The following KLRF2 variants were observed in gnomAD, a reference collection of about 807,000 sequenced individuals.
KLRF2 encodes the protein killer cell lectin like receptor F2.
In KLRF2, 28 loss-of-function variants were observed where a neutral mutation model predicts 25.3. That is an observed-to-expected ratio of 1.11 (90% CI 0.82 to 1.52). KLRF2 has a LOEUF of 1.52. KLRF2 is among the 40% of genes most tolerant of loss of function. The pLI, the probability that KLRF2 is intolerant of heterozygous loss-of-function variation, is 0.00. For synonymous variants in KLRF2, 73 were observed against 85.0 expected (o/e 0.86, Z 0.78); for missense variants, 265 against 245.8 (o/e 1.08, Z -0.52).
At chr12:9,895,342 G>A (rs963598170) in intron 5 of KLRF2, among the ~76,000 whole-genome samples, 3 of 152,230 alleles carry the variant, frequency 2.0e-5, no homozygotes, top group Non-Finnish European at 4.4e-5. Flanking sequence ...AGATAAGGGA[G>A]AGATAATGGT....
intron 1 of KLRF2, 103 bp from the exon 2 acceptor site, chr12:9,884,831 T>A: frequency 2.5e-6 from 1 of 404,022 alleles, no homozygotes; most frequent in Non-Finnish European, 4.4e-6. Flanking sequence ...TAAATTCTAA[T>A]GACATATCTA....
At chr12:9,893,256 T>C (rs1862708017) in intron 4 of KLRF2, 88 bp downstream of exon 4, 2 of 1,262,500 alleles carry the variant, frequency 1.6e-6, no homozygotes, top group African/African-American at 1.5e-5. Context: ...AGGTTTATTG[T>C]CGTTGCTTCT....
intron 3 of KLRF2, among the ~76,000 whole-genome samples, chr12:9,889,300 T>A (rs1490434275): frequency 2.0e-5 from 3 of 152,232 alleles, no homozygotes; most frequent in Admixed American, 2.0e-4. Flanking sequence ...CTGTGTCAAC[T>A]TGGCTAGGCC....
rs2137007219 is a variant in KLRF2 at position 9,895,750 on chromosome 12, T to C, written c.541T>C (p.Tyr181His). 1 of 1,535,922 alleles carries C rather than the reference T, an allele frequency of 6.5e-7. No individual in the cohort carries two copies. The highest frequency in any genetic ancestry group is 2.4e-5 in the East Asian group (1 of 40,892). ...SCAVITGNWV[Y>H]SEDCSSTFKG... ...TGCCGTTATCACAGGAAACTGGGTG[T>C]ATTCTGAAGACTGTAGCTCCACATT... is the stretch of plus-strand genomic sequence containing the variant. Residue 181 changes from tyrosine to histidine, a missense_variant, in exon 6 of 6, where the codon TAT becomes CAT. Tyr to His is a moderately conservative substitution (Grantham distance 83). Coordinates refer to ENST00000535540, the MANE Select transcript of KLRF2 (RefSeq NM_001190765.1).
chr12:9,889,484 A>C (rs946378494), intron 3 of KLRF2, among the ~76,000 whole-genome samples: 2 of 152,146 alleles, frequency 1.3e-5, no homozygotes, highest in Non-Finnish European at 2.9e-5. Context: ...AGGTCCCCAA[A>C]GGAAGAGGAA....
chr12:9,884,871 A>G (rs1270271652), intron 1 of KLRF2, 63 bp from the exon 2 acceptor site: 4 of 528,020 alleles, frequency 7.6e-6, no homozygotes, highest in Non-Finnish European at 1.3e-5. Context: ...CTGTAATAAA[A>G]ATGAAACAGA....
rs143366625 is a variant in KLRF2 at position 9,882,525 on chromosome 12, C to A, written c.70+860C>A. 9.7e-3 allele frequency among the ~76,000 whole-genome samples: 1,470 copies of A among 152,236 alleles called. 18 individuals carry two copies. Among genetic ancestry groups the A allele is most frequent in the African/African-American group, 0.034 (1,392 of 41,516 alleles). On this transcript the variant is annotated intron_variant, in intron 1 of 5. Coordinates refer to ENST00000535540, the MANE Select transcript of KLRF2 (RefSeq NM_001190765.1). Reference sequence around the variant, plus strand: ...AGGCACGGTGGCTCATGCCTGTAATCCCAGCACTTTGGGATGCAGAGGTGG... The same window carrying A: ...AGGCACGGTGGCTCATGCCTGTAATACCAGCACTTTGGGATGCAGAGGTGG...
At chr12:9,885,187 A>G (rs1383090454) in intron 2 of KLRF2, among the ~76,000 whole-genome samples, 155 bp downstream of exon 2, 1 of 151,822 alleles carries the variant, frequency 6.6e-6, no homozygotes, top group East Asian at 1.9e-4. Flanking sequence ...AAATGCTCAA[A>G]TGCAAGCTTG....
rs79650080 is a variant in KLRF2, at chr12:9,892,965, T to C, written c.218-55T>C. 1.1e-3 allele frequency: 1,517 copies of C among 1,343,864 alleles called. 16 individuals carry two copies. In the African/African-American group the frequency reaches 0.02, roughly 18 times the overall value. 83.2% of individuals were successfully genotyped at this position (1,343,864 alleles called of 1,614,324 possible). A position where few individuals can be genotyped will look rare whatever the true frequency, so the allele number is the denominator to read the frequency against. ...AAGTAGTCACATTTGATAATATTTC[T>C]ATCTTCCCTGTTGGCTGTAAAGTTT... On this transcript the variant is annotated intron_variant, in intron 3 of 5. Transcript: ENST00000535540.
intron 5 of KLRF2, among the ~76,000 whole-genome samples, chr12:9,894,054 CTCTTTCTCTTTTT>C (rs1246449973): frequency 6.6e-6 from 1 of 151,390 alleles, no homozygotes; most frequent in Non-Finnish European, 1.5e-5. Flanking sequence ...TTCTTTCTTT[CTCTTTCTCTTTTT>C]TCTTTCTCTT....
At chr12:9,894,126 T>TTCTCTCTCTCTCTCTCTC (rs141327204) in intron 5 of KLRF2, among the ~76,000 whole-genome samples, 30 of 130,286 alleles carry the variant, frequency 2.3e-4, no homozygotes, top group African/African-American at 6.8e-4. Context: ...TTTCTTTTCT[T>TTCTCTCTCTCTCTCTCTC]TCTCTCTCTC....
intron 3 of KLRF2, among the ~76,000 whole-genome samples, 152 bp downstream of exon 3, chr12:9,888,932 C>T (rs1444252974): frequency 6.6e-6 from 1 of 152,112 alleles, no homozygotes; most frequent in Non-Finnish European, 1.5e-5. Flanking sequence ...TCCTCAGTGC[C>T]ATTGCTGTGT....
chr12:9,881,810 A>G, intron 1 of KLRF2, 145 bp downstream of exon 1: 3 of 673,118 alleles, frequency 4.5e-6, no homozygotes, highest in Non-Finnish European at 7.3e-6. Context: ...GATTATTTAG[A>G]TTCATGAAAG....
At chr12:9,883,544 C>T (rs1403205427) in intron 1 of KLRF2, among the ~76,000 whole-genome samples, 3 of 152,162 alleles carry the variant, frequency 2.0e-5, no homozygotes, top group Non-Finnish European at 4.4e-5. Flanking sequence ...GTCTCCCTCC[C>T]TGGCATGTAT....
chr12:9,887,712 A>C (rs1477810752), intron 2 of KLRF2, among the ~76,000 whole-genome samples: 1 of 151,184 alleles, frequency 6.6e-6, no homozygotes, highest in Non-Finnish European at 1.5e-5. Context: ...ACTTGATGAT[A>C]TGGTCAAAAG....
At chr12:9,884,453 T>A (rs549554066) in intron 1 of KLRF2, among the ~76,000 whole-genome samples, 20 of 151,592 alleles carry the variant, frequency 1.3e-4, no homozygotes, top group African/African-American at 4.8e-4. Context: ...TAATAAATAT[T>A]TCTTTCCCTC....
intron 3 of KLRF2, among the ~76,000 whole-genome samples, chr12:9,891,380 G>A (rs1162257639): frequency 2.0e-5 from 3 of 152,292 alleles, no homozygotes; most frequent in African/African-American, 7.2e-5. Flanking sequence ...CTTTTGGACA[G>A]TAAGTGTCCA....
intron 2 of KLRF2, among the ~76,000 whole-genome samples, chr12:9,886,763 CAAA>C (rs770999069): frequency 9.0e-4 from 93 of 103,502 alleles, no homozygotes; most frequent in Middle Eastern, 5.4e-3. Context: ...CTATATCATG[CAAA>C]AAAAAAAAAA....
intron 2 of KLRF2, among the ~76,000 whole-genome samples, chr12:9,887,535 A>G (rs1292535371): frequency 1.3e-5 from 2 of 152,172 alleles, no homozygotes; most frequent in Non-Finnish European, 2.9e-5. Context: ...TAACAACAGC[A>G]AAAAAGAATG....
Sources: allele counts gnomAD v4.1 joint callset (sites outside exome capture counted in the v4.1 genomes callset), GRCh38; gene constraint gnomAD v4.1.1; transcripts MANE v1.5; gene names NCBI Gene and HGNC (gene_info 2026-07-23, HGNC 2026-07-21).